The following FRMPD2 variants were observed in gnomAD, a reference collection of about 807,000 sequenced individuals.
FRMPD2 encodes the protein FERM and PDZ domain-containing protein 2.
A neutral mutation model predicts 140.1 loss-of-function variants in FRMPD2; 96 were observed. The observed-to-expected ratio is 0.69, with a 90% CI of 0.58 to 0.81. FRMPD2 has a LOEUF of 0.81. Ranked by LOEUF, FRMPD2 falls within the 40% of genes least tolerant of loss-of-function variation. The pLI, the probability that FRMPD2 is intolerant of heterozygous loss-of-function variation, is 0.00. For synonymous variants in FRMPD2, 449 were observed against 547.6 expected (o/e 0.82, Z 2.52); for missense variants, 1,240 against 1,447.4 (o/e 0.86, Z 2.32).
chr10:48,193,235 C>T (rs1427738796), intron 15 of FRMPD2, among the ~76,000 whole-genome samples: 1 of 152,188 alleles, frequency 6.6e-6, no homozygotes, highest in East Asian at 1.9e-4. Flanking sequence ...AAATCAGCTG[C>T]CCCATCCCCT....
At position 48,239,471 on chromosome 10, in the gene FRMPD2, A is replaced by G. The variant is rs1840050088; in HGVS notation, c.788+134T>C. On this transcript the variant is annotated intron_variant, in intron 7 of 28. Coordinates refer to ENST00000374201, the MANE Select transcript of FRMPD2 (RefSeq NM_001018071.4). The stretch of plus-strand genomic sequence containing the variant: ...CTTAAATGTGGCTTCTTCATCTGTT[A>G]ATGGAATAGCATTGGCATTTTCTGG... The G allele has an allele frequency of 8.4e-6, 5 of 595,576 alleles. No individual in the cohort carries two copies. The South Asian group carries it at 1.0e-4, about 12-fold the overall frequency. The allele number at this position is 595,576 out of a possible 1,614,324, so 36.9% of individuals were successfully genotyped here. A position where few individuals can be genotyped will look rare whatever the true frequency, so the allele number is the denominator to read the frequency against.
At chr10:48,244,115 G>T (rs1312255277) in intron 4 of FRMPD2, among the ~76,000 whole-genome samples, 4 of 152,148 alleles carry the variant, frequency 2.6e-5, no homozygotes, top group African/African-American at 9.7e-5. Flanking sequence ...CTCCCAAGTA[G>T]CTGGGACTAT....
At chr10:48,226,720 C>T (rs2131913364) in intron 10 of FRMPD2, among the ~76,000 whole-genome samples, 1 of 152,314 alleles carries the variant, frequency 6.6e-6, no homozygotes, top group East Asian at 1.9e-4. Context: ...TCTTTTAAGC[C>T]TCCTCATAAT....
chr10:48,212,592 AT>A (rs1839354679), intron 12 of FRMPD2, among the ~76,000 whole-genome samples: 1 of 151,742 alleles, frequency 6.6e-6, no homozygotes, highest in Non-Finnish European at 1.5e-5. Context: ...TTTTTAATTC[AT>A]TTAGCATTTC....
chr10:48,179,709 G>A (rs1479115873), intron 21 of FRMPD2, among the ~76,000 whole-genome samples: 6 of 152,028 alleles, frequency 3.9e-5, no homozygotes, highest in South Asian at 2.1e-4. Flanking sequence ...TTTTATCCCC[G>A]ACACTGGGCA....
At chr10:48,214,528 G>A (rs1839402845) in intron 12 of FRMPD2, among the ~76,000 whole-genome samples, 1 of 151,998 alleles carries the variant, frequency 6.6e-6, no homozygotes. Context: ...GCATGTAGAG[G>A]GGCAAGGGAT....
At chr10:48,239,165 A>G (rs989770113) in intron 7 of FRMPD2, among the ~76,000 whole-genome samples, 3 of 152,228 alleles carry the variant, frequency 2.0e-5, no homozygotes, top group African/African-American at 7.2e-5. Context: ...AAGACAGTCA[A>G]AAAGGCAGGA....
At chr10:48,215,287 C>T (rs113327018) in intron 12 of FRMPD2, among the ~76,000 whole-genome samples, 5 of 152,174 alleles carry the variant, frequency 3.3e-5, no homozygotes, top group Admixed American at 6.5e-5. Flanking sequence ...GCTCAGGCAG[C>T]GGACAGGCCA....
Position 48,201,303 on chromosome 10 carries a change from A to C in FRMPD2, c.1879T>G (p.Leu627Val), listed in dbSNP as rs780553827. The C allele has an allele frequency of 6.2e-7, 1 of 1,613,836 alleles. No homozygotes were observed. Among genetic ancestry groups the C allele is most frequent in the Non-Finnish European group, 8.5e-7 (1 of 1,179,860 alleles). Residue 627 changes from leucine (L) to valine (V), a missense_variant, in exon 15 of 29, where the codon TTA becomes GTA. Physicochemically the swap from Leu to Val is conservative, Grantham distance 32. Coordinates refer to ENST00000374201, the MANE Select transcript of FRMPD2 (RefSeq NM_001018071.4). ...TGCTGGGCTGAGCAGAGGTCCAGTAAGTATTTACTGGTCTTGGCTGAATCT... is the reference window on the plus strand; with the variant it reads ...TGCTGGGCTGAGCAGAGGTCCAGTACGTATTTACTGGTCTTGGCTGAATCT... ...VTDSAKTSKY[L>V]LDLCSAQHGF...
At chr10:48,267,698 T>C (rs1840701880) in intron 1 of FRMPD2, among the ~76,000 whole-genome samples, 2 of 152,248 alleles carry the variant, frequency 1.3e-5, no homozygotes, top group Non-Finnish European at 1.5e-5. Context: ...TATATGTGAA[T>C]GTTCATAGCA....
intron 12 of FRMPD2, among the ~76,000 whole-genome samples, chr10:48,215,639 T>C (rs1393992134): frequency 6.6e-6 from 1 of 152,160 alleles, no homozygotes; most frequent in African/African-American, 2.4e-5. Context: ...GGTCTGCCTT[T>C]GGGGGCCACA....
At chr10:48,221,129 T>C (rs1056691752) in intron 12 of FRMPD2, among the ~76,000 whole-genome samples, 4 of 152,216 alleles carry the variant, frequency 2.6e-5, no homozygotes, top group African/African-American at 9.6e-5. Context: ...ACATAAAAGA[T>C]ACTTGCACAC....
intron 4 of FRMPD2, 73 bp downstream of exon 4, chr10:48,244,711 C>G (rs919308438): frequency 1.7e-6 from 2 of 1,159,964 alleles, no homozygotes; most frequent in Non-Finnish European, 2.6e-6. Flanking sequence ...AATGTGGTCC[C>G]TGCCCAGGAG....
chr10:48,180,070 A>C (rs1177955548), intron 21 of FRMPD2, among the ~76,000 whole-genome samples: 1 of 152,000 alleles, frequency 6.6e-6, no homozygotes, highest in Non-Finnish European at 1.5e-5. Flanking sequence ...CTGTGTCAGC[A>C]CAGGGAAAGA....
At chr10:48,235,923 G>C (rs1346596578) in intron 9 of FRMPD2, among the ~76,000 whole-genome samples, 2 of 152,086 alleles carry the variant, frequency 1.3e-5, no homozygotes, top group Non-Finnish European at 2.9e-5. Context: ...AGCCCACAAG[G>C]CTCACTCCTT....
rs879909099 is a variant in FRMPD2 at position 48,200,193 on chromosome 10, T to TAAAAAAAA, written c.1954+1034_1954+1035insTTTTTTTT. Among the ~76,000 whole-genome samples the TAAAAAAAA allele has an allele frequency of 6.2e-3, 869 of 139,416 alleles. 9 individuals are homozygous for TAAAAAAAA. The highest frequency in any genetic ancestry group is 9.8e-3 in the South Asian group (44 of 4,476). The allele number at this position is 139,416 out of a possible 152,430, so 91.5% of individuals were successfully genotyped here. A position where few individuals can be genotyped will look rare whatever the true frequency, so the allele number is the denominator to read the frequency against. Reference sequence around the variant, plus strand: ...ATAAATAAATAAATAAATAAATAAATAAATAAAACAGAGCCAAGCAACCAT... The same window carrying TAAAAAAAA: ...ATAAATAAATAAATAAATAAATAAATAAAAAAAAAAATAAAACAGAGCCAAGCAACCAT... On this transcript the variant is annotated intron_variant, in intron 15 of 28. Transcript: ENST00000374201.
chr10:48,184,806 C>G lies in FRMPD2; in HGVS notation c.2435G>C (p.Gly812Ala). Reference sequence around the variant, plus strand: ...GATCGTTTTTGCTTTTTCTGCTGGTCCTCCAGGTATAATAGAAGATATAAA... The same window carrying G: ...GATCGTTTTTGCTTTTTCTGCTGGTGCTCCAGGTATAATAGAAGATATAAA... The part of the protein sequence containing the change: ...GIFISSIIPG[G>A]PAEKAKTIKP... Residue 812 changes from glycine to alanine, a missense_variant, in exon 19 of 29, where the codon GGA (glycine) becomes GCA (alanine). Coordinates refer to ENST00000374201, the MANE Select transcript of FRMPD2 (RefSeq NM_001018071.4). 6.2e-7 allele frequency: 1 copy of G among 1,613,728 alleles called. No individual in the cohort carries two copies. Among genetic ancestry groups the G allele is most frequent in the African/African-American group, 1.3e-5 (1 of 75,020 alleles).
chr10:48,227,648 G>C (rs900587796), intron 10 of FRMPD2, among the ~76,000 whole-genome samples: 4 of 152,192 alleles, frequency 2.6e-5, no homozygotes, highest in Non-Finnish European at 4.4e-5. Context: ...CACAATTGAA[G>C]TGGTTATACC....
chr10:48,185,046 T>TTGGAGAGTAAAGTA (rs1838646209), intron 18 of FRMPD2, among the ~76,000 whole-genome samples, 165 bp from the exon 19 acceptor site: 1 of 152,194 alleles, frequency 6.6e-6, no homozygotes, highest in Admixed American at 6.5e-5. Flanking sequence ...TACTTTACCA[T>TTGGAGAGTAAAGTA]GATACTTGGA....
Sources: gnomAD v4.1 joint callset for allele counts (sites outside exome capture counted in the v4.1 genomes callset) on GRCh38, gnomAD v4.1.1 for gene constraint, MANE v1.5 for transcripts, NCBI Gene and HGNC (gene_info 2026-07-23, HGNC 2026-07-21) for gene names.